OGDH: variants seen among roughly 807,000 people sequenced by gnomAD.
The protein encoded by OGDH is oxoglutarate dehydrogenase.
OGDH carries 38 observed loss-of-function variants against 116.6 expected under a neutral mutation model. The observed-to-expected ratio is 0.33, with a 90% CI of 0.25 to 0.43. The LOEUF is 0.43. OGDH is among the 20% of genes least tolerant of loss of function. The pLI is 1.00. For synonymous variants in OGDH, 488 were observed against 533.3 expected, an observed-to-expected ratio of 0.92 and a Z score of 1.17; for missense variants, 825 against 1,357.2, an observed-to-expected ratio of 0.61 and a Z score of 6.16.
chr7:44,694,582 T>C lies in OGDH; in HGVS notation c.1668+6T>C. 6.2e-7 allele frequency: 1 copy of C among 1,613,438 alleles called. No individual in the cohort carries two copies. The highest frequency in any genetic ancestry group is 8.5e-7 in the Non-Finnish European group (1 of 1,179,420). On this transcript the variant is annotated splice_donor_region_variant and intron_variant, in intron 12 of 22. Transcript: ENST00000222673. This position sits in a 1 kb window ranked among gnomAD's most constrained non-coding sequence, Gnocchi z 4.2. ...TCAACCAGCCTGAGTATGAGGTACG[T>C]CCCTGCGGCTCTATCCCAGTGCGCC...
At chr7:44,692,803 G>A (rs1788418108) in intron 10 of OGDH, among the ~76,000 whole-genome samples, 1 of 152,002 alleles carries the variant, frequency 6.6e-6, no homozygotes, top group Admixed American at 6.6e-5. Flanking sequence ...GGGAGGCCGA[G>A]GCAGAAGGAT....
At chr7:44,659,011 A>G (rs1786816785) in intron 4 of OGDH, among the ~76,000 whole-genome samples, 1 of 151,720 alleles carries the variant, frequency 6.6e-6, no homozygotes, top group Non-Finnish European at 1.5e-5. Context: ...TAATTTTTCT[A>G]CTTTTAGTAG....
At chr7:44,639,669 C>T (rs964442733) in intron 2 of OGDH, among the ~76,000 whole-genome samples, 3 of 152,126 alleles carry the variant, frequency 2.0e-5, no homozygotes, top group Non-Finnish European at 2.9e-5. Context: ...CAGGTCTTGG[C>T]GCAAAGAGGG....
At chr7:44,681,977 T>C (rs1585356331) in intron 10 of OGDH, 129 bp downstream of exon 10, 1 of 1,241,268 alleles carries the variant, frequency 8.1e-7, no homozygotes, top group African/African-American at 1.5e-5. Flanking sequence ...CCAGGTGCAG[T>C]GGCTCACGCC....
chr7:44,624,960 C>A (rs1785147429), intron 2 of OGDH, among the ~76,000 whole-genome samples: 1 of 152,172 alleles, frequency 6.6e-6, no homozygotes, highest in African/African-American at 2.4e-5. Flanking sequence ...GCCGTAGTCA[C>A]CTCATGTAAT....
chr7:44,670,897 A>C (rs560899882), intron 5 of OGDH, among the ~76,000 whole-genome samples: 4 of 151,384 alleles, frequency 2.6e-5, no homozygotes, highest in Non-Finnish European at 5.9e-5. Context: ...TGTAGTCCCA[A>C]CTACTCGGGA....
At chr7:44,642,841 GA>G (rs1786007510) in intron 2 of OGDH, among the ~76,000 whole-genome samples, 1 of 151,342 alleles carries the variant, frequency 6.6e-6, no homozygotes, top group Admixed American at 6.6e-5. Flanking sequence ...AGAATCGCTT[GA>G]ACCCAGGAGG....
chr7:44,674,297 G>A (rs1787596026), intron 6 of OGDH, 114 bp from the exon 7 acceptor site: 17 of 1,307,792 alleles, frequency 1.3e-5, no homozygotes, highest in African/African-American at 2.9e-5. Flanking sequence ...TGCCCACCTC[G>A]GCCTCCCAAG....
chr7:44,654,843 A>G (rs1786616391), intron 4 of OGDH, among the ~76,000 whole-genome samples: 1 of 152,128 alleles, frequency 6.6e-6, no homozygotes, highest in African/African-American at 2.4e-5. Context: ...CTGTGGCCAA[A>G]TCTCCATCCG....
At position 44,666,808 on chromosome 7, in the gene OGDH, A is replaced by G. The variant is rs755183622; in HGVS notation, c.590A>G (p.Gln197Arg). Residue 197 changes from glutamine (Q) to arginine (R), a missense_variant, in exon 5 of 23, where the codon CAG becomes CGG. This residue lies in a region of OGDH where 171 missense variants were observed against 276.8 expected (regional missense o/e 0.62). Transcript: ENST00000222673. The stretch of plus-strand genomic sequence containing the variant: ...CCCACCACCACTTTCATCGGGGGAC[A>G]GGAATCAGCACTTCCTCTGCGGGAG... ...HLPTTTFIGG[Q>R]ESALPLREII... 1.9e-6 allele frequency: 3 copies of G among 1,613,276 alleles called. No individual in the cohort carries two copies. In the South Asian group the frequency reaches 3.3e-5, roughly 18 times the overall value.
intron 7 of OGDH, among the ~76,000 whole-genome samples, chr7:44,674,969 A>G (rs1362411846): frequency 2.0e-5 from 3 of 151,962 alleles, no homozygotes; most frequent in Admixed American, 6.6e-5. Context: ...TGCATCTTCT[A>G]TCTTTCTGCT....
chr7:44,675,110 C>A, intron 7 of OGDH, 68 bp from the exon 8 acceptor site: 1 of 1,260,450 alleles, frequency 7.9e-7, no homozygotes, highest in Non-Finnish European at 1.2e-6. Flanking sequence ...GGGATTGTAA[C>A]ACCCTCATCT....
rs144486232 is a variant in OGDH, at chr7:44,620,510, T to G, written c.-27-3807T>G. On this transcript the variant is annotated intron_variant, in intron 1 of 22. Transcript: ENST00000222673. ...TCTTTGATCCATTTTGAATTTTGTTTGTATATGTCTATGCAACTTCATTCC... is the reference window on the plus strand; with the variant it reads ...TCTTTGATCCATTTTGAATTTTGTTGGTATATGTCTATGCAACTTCATTCC... Among the ~76,000 whole-genome samples the G allele has an allele frequency of 2.8e-3, 430 of 152,380 alleles. 1 individual carries two copies. The highest frequency in any genetic ancestry group is 1.0e-2 in the African/African-American group (415 of 41,590).
At position 44,697,840 on chromosome 7, in the gene OGDH, C is replaced by T. The variant is rs1788653252; in HGVS notation, c.2358+58C>T. ...GACTTGGGAAGGGCCTGTGTAGGAC[C>T]CTGACCCCAAAGACTGGCACGAGAG... On this transcript the variant is annotated intron_variant, in intron 17 of 22. Coordinates refer to ENST00000222673, the MANE Select transcript of OGDH (RefSeq NM_002541.4). This position sits in a 1 kb window ranked among gnomAD's most constrained non-coding sequence, Gnocchi z 6.0. 3 of 1,547,500 alleles carry T rather than the reference C, an allele frequency of 1.9e-6. No homozygotes were observed. Among genetic ancestry groups the T allele is most frequent in the Admixed American group, 4.0e-5 (2 of 50,000 alleles).
chr7:44,701,160 G>A (rs1788813643), intron 19 of OGDH, among the ~76,000 whole-genome samples: 1 of 152,244 alleles, frequency 6.6e-6, no homozygotes, highest in Admixed American at 6.5e-5. Context: ...CCACAGGGCA[G>A]GACAGCCCTG....
intron 5 of OGDH, among the ~76,000 whole-genome samples, chr7:44,669,145 C>CTTTGTTTTTTTTTTTTTTTTTTT: frequency 1.3e-5 from 1 of 77,806 alleles, no homozygotes; most frequent in African/African-American, 7.3e-5. Flanking sequence ...AGCCCGGCAG[C>CTTTGTTTTTTTTTTTTTTTTTTT]TTTTTTTTTT....
At chr7:44,701,932 G>A (rs972034795) in intron 20 of OGDH, among the ~76,000 whole-genome samples, 2 of 152,112 alleles carry the variant, frequency 1.3e-5, no homozygotes, top group African/African-American at 4.8e-5. Flanking sequence ...TTAGCCAGGC[G>A]TAGTGCCACA....
chr7:44,706,378 A>G (rs1457808367), intron 20 of OGDH, among the ~76,000 whole-genome samples: 7 of 150,130 alleles, frequency 4.7e-5, no homozygotes, highest in Non-Finnish European at 7.4e-5. Context: ...CTGGAGTGCA[A>G]TGGCGCATTC....
At chr7:44,699,599 T>A (rs1788741306) in intron 18 of OGDH, among the ~76,000 whole-genome samples, 1 of 152,164 alleles carries the variant, frequency 6.6e-6, no homozygotes, top group South Asian at 2.1e-4. Context: ...CTCCAGGGTA[T>A]GAGGCTGGCC....
Sources: allele counts gnomAD v4.1 joint callset (sites outside exome capture counted in the v4.1 genomes callset), GRCh38; gene constraint gnomAD v4.1.1; regional missense constraint gnomAD v4.1.1; non-coding constraint Gnocchi (gnomAD v3.1); transcripts MANE v1.5; gene names NCBI Gene and HGNC (gene_info 2026-07-23, HGNC 2026-07-21).